UBR1: variants seen among roughly 807,000 people sequenced by gnomAD.
UBR1 encodes the protein ubiquitin protein ligase E3 component n-recognin 1.
Under a neutral mutation model 242.1 loss-of-function variants are expected in UBR1, and 102 were observed. The ratio of observed to expected loss-of-function variants is 0.42; its 90% CI spans 0.36 to 0.50. The LOEUF is 0.50. Among genes scored for constraint, UBR1 ranks in the 20% least tolerant of loss-of-function variants. UBR1 has a pLI of 0.01. For synonymous variants in UBR1, 675 were observed against 684.8 expected (o/e 0.99, Z 0.22); for missense variants, 1,772 against 2,101.8 (o/e 0.84, Z 3.07).
intron 3 of UBR1, among the ~76,000 whole-genome samples, chr15:43,082,260 T>C (rs1179695428): frequency 6.6e-6 from 1 of 152,162 alleles, no homozygotes; most frequent in African/African-American, 2.4e-5. Flanking sequence ...AGAGGTTTAC[T>C]GTAAGTTTTT....
Position 42,988,840 on chromosome 15 carries a change from C to T in UBR1, c.3976G>A (p.Ala1326Thr), listed in dbSNP as rs778270634. 1.1e-5 allele frequency: 17 copies of T among 1,614,046 alleles called. No individual in the cohort carries two copies. Among genetic ancestry groups the T allele is most frequent in the African/African-American group, 6.7e-5 (5 of 74,910 alleles). ...TTACCAATTGCCTGGATAGTGAAAG[C>T]GCAGGTGCTCCAGGTCAGCATGGGG... is the stretch of plus-strand genomic sequence containing the variant. ...RVPMLTWSTC[A>T]FTIQAIENLL... The change falls in exon 35 of 47, where the codon GCT (alanine) becomes ACT (threonine). Residue 1326 changes from alanine (A) to threonine (T), a missense_variant. By Grantham distance (58) the Ala-to-Thr change is moderately conservative. Around this residue, in one of 3 missense-constraint regions of UBR1, gnomAD observed 965 missense variants for 1,079.7 expected, o/e 0.89. Transcript: ENST00000290650.
In UBR1 at chr15:43,024,867, T is replaced by C. The variant is rs2033158797; in HGVS notation, c.2701A>G (p.Thr901Ala). 1 of 1,614,168 alleles carries C rather than the reference T, an allele frequency of 6.2e-7. No individual in the cohort carries two copies. The highest frequency in any genetic ancestry group is 1.3e-5 in the African/African-American group (1 of 75,042). Reference protein sequence around the residue: ...LRTVFERAIDTDSNLWTEGML... With the variant: ...LRTVFERAIDADSNLWTEGML... The stretch of plus-strand genomic sequence containing the variant: ...CCTTCGGTCCACAAGTTAGAATCTG[T>C]GTCTATTGCCCGCTCAAATACGGTC... The change falls in exon 25 of 47, where the codon ACA (threonine) becomes GCA (alanine). Residue 901 changes from threonine (T) to alanine (A), a missense_variant. By Grantham distance (58) the Thr-to-Ala change is moderately conservative. Transcript: ENST00000290650.
At chr15:43,050,966 C>T (rs924877329) in intron 12 of UBR1, among the ~76,000 whole-genome samples, 5 of 152,170 alleles carry the variant, frequency 3.3e-5, no homozygotes, top group Non-Finnish European at 5.9e-5. Flanking sequence ...AATGCTCATA[C>T]ACTGTTGGTA....
At chr15:43,097,559 A>C (rs2034176513) in intron 1 of UBR1, among the ~76,000 whole-genome samples, 1 of 152,234 alleles carries the variant, frequency 6.6e-6, no homozygotes, top group East Asian at 1.9e-4. Flanking sequence ...TAGTGTAGCC[A>C]CCTTCATCAA....
intron 42 of UBR1, among the ~76,000 whole-genome samples, chr15:42,963,607 T>C (rs1054093156): frequency 1.3e-5 from 2 of 151,962 alleles, no homozygotes; most frequent in Non-Finnish European, 2.9e-5. Flanking sequence ...TTGGATACAG[T>C]TCCAATTTGG....
At chr15:43,087,160 C>T (rs1463198850) in intron 1 of UBR1, among the ~76,000 whole-genome samples, 1 of 152,162 alleles carries the variant, frequency 6.6e-6, no homozygotes, top group Non-Finnish European at 1.5e-5. Context: ...AATCCCAGCA[C>T]TTTGGGAGGC....
At chr15:43,059,602 A>T (rs1189891325) in intron 8 of UBR1, 100 bp downstream of exon 8, 3 of 1,326,692 alleles carry the variant, frequency 2.3e-6, no homozygotes, top group African/African-American at 3.3e-5. Context: ...AAAAAAAAAA[A>T]AAGAAAAACT....
intron 29 of UBR1, among the ~76,000 whole-genome samples, chr15:43,007,672 T>C (rs2141289847): frequency 6.6e-6 from 1 of 152,260 alleles, no homozygotes; most frequent in East Asian, 1.9e-4. Context: ...AGATACCTAC[T>C]AGTAACCTTG....
At chr15:42,960,744 C>T in intron 42 of UBR1, 43 bp from the exon 43 acceptor site, 1 of 1,581,256 alleles carries the variant, frequency 6.3e-7, no homozygotes, top group Non-Finnish European at 8.7e-7. Flanking sequence ...ATTATCACAG[C>T]TTCAATGCAT....
intron 21 of UBR1, among the ~76,000 whole-genome samples, chr15:43,029,125 G>GCGCACACACACACACACACACACACA (rs750364868): frequency 1.3e-5 from 2 of 150,956 alleles, no homozygotes; most frequent in African/African-American, 4.9e-5. Context: ...ACACACACAC[G>GCGCACACACACACACACACACACACA]CACACACACA....
intron 6 of UBR1, among the ~76,000 whole-genome samples, chr15:43,064,752 T>G (rs1171045946): frequency 6.6e-6 from 1 of 152,048 alleles, no homozygotes; most frequent in Non-Finnish European, 1.5e-5. Flanking sequence ...AATTTTGTAT[T>G]TTTAGTAGAG....
chr15:43,098,785 CA>C, intron 1 of UBR1, among the ~76,000 whole-genome samples: 1 of 152,174 alleles, frequency 6.6e-6, no homozygotes, highest in East Asian at 1.9e-4. Context: ...CCTAACTCCC[CA>C]AAATAGAAAT....
intron 25 of UBR1, among the ~76,000 whole-genome samples, chr15:43,023,090 C>T (rs561005208): frequency 1.3e-3 from 203 of 152,226 alleles, no homozygotes; most frequent in African/African-American, 4.8e-3. Flanking sequence ...CCAGGCTGGT[C>T]TTAAACTCCT....
intron 1 of UBR1, among the ~76,000 whole-genome samples, chr15:43,091,548 A>C (rs2034105328): frequency 6.6e-6 from 1 of 152,202 alleles, no homozygotes; most frequent in South Asian, 2.1e-4. Context: ...TTACAAATGA[A>C]GCCTCTTAGC....
chr15:43,004,041 G>A (rs2141286369), intron 30 of UBR1, 111 bp from the exon 31 acceptor site: 1 of 900,086 alleles, frequency 1.1e-6, no homozygotes, highest in Non-Finnish European at 1.9e-6. Flanking sequence ...TATCATGATA[G>A]GAGGATATAT....
chr15:43,050,669 A>C (rs1254699313), intron 12 of UBR1, among the ~76,000 whole-genome samples: 1 of 149,656 alleles, frequency 6.7e-6, no homozygotes, highest in African/African-American at 2.5e-5. Context: ...GGTTGCAGTG[A>C]GCCAAGATAG....
chr15:42,961,723 G>A (rs959860267), intron 42 of UBR1, among the ~76,000 whole-genome samples: 10 of 151,702 alleles, frequency 6.6e-5, no homozygotes, highest in African/African-American at 1.7e-4. Context: ...GTGAGCCACT[G>A]TGCCTGGCTC....
chr15:43,001,510 T>TA (rs1291532624), intron 32 of UBR1, among the ~76,000 whole-genome samples: 1 of 152,220 alleles, frequency 6.6e-6, no homozygotes, highest in Non-Finnish European at 1.5e-5. Flanking sequence ...TATGGGGACA[T>TA]AAAGGTATTT....
chr15:42,950,552 T>C, intron 45 of UBR1, 189 bp from the exon 46 acceptor site: 1 of 600,578 alleles, frequency 1.7e-6, no homozygotes, highest in Non-Finnish European at 3.0e-6. Context: ...TTGCTATTTC[T>C]GTTGAAGCTA....
Sources: gnomAD v4.1 joint callset for allele counts (sites outside exome capture counted in the v4.1 genomes callset) on GRCh38, gnomAD v4.1.1 for gene constraint, gnomAD v4.1.1 regional missense constraint, MANE v1.5 for transcripts, NCBI Gene and HGNC (gene_info 2026-07-23, HGNC 2026-07-21) for gene names.